The following CSMD3 variants were observed in gnomAD, a reference collection of about 807,000 sequenced individuals.
The protein encoded by CSMD3 is CUB and sushi domain-containing protein 3.
In CSMD3, 177 loss-of-function variants were observed where a neutral mutation model predicts 435.2. The observed-to-expected ratio is 0.41, with a 90% CI of 0.36 to 0.46. The LOEUF is 0.46. Among genes scored for constraint, CSMD3 ranks in the 20% least tolerant of loss-of-function variants. CSMD3 has a pLI of 0.34. For synonymous variants in CSMD3, 1,656 were observed against 1,520.5 expected, an observed-to-expected ratio of 1.09 and a Z score of -2.07; for missense variants, 4,265 against 4,504.6, an observed-to-expected ratio of 0.95 and a Z score of 1.52.
At chr8:112,500,876 C>T (rs1821872690) in intron 30 of CSMD3, among the ~76,000 whole-genome samples, 1 of 143,880 alleles carries the variant, frequency 7.0e-6, no homozygotes, top group Admixed American at 7.0e-5. Flanking sequence ...GACAATATAG[C>T]CCCTGCCAGG....
intron 69 of CSMD3, among the ~76,000 whole-genome samples, chr8:112,231,268 C>T (rs1813057837): frequency 6.6e-6 from 1 of 152,196 alleles, no homozygotes; most frequent in Non-Finnish European, 1.5e-5. Context: ...ATCTATATCA[C>T]TTTTTCTCCT....
intron 32 of CSMD3, among the ~76,000 whole-genome samples, chr8:112,439,833 C>T (rs1254453127): frequency 6.7e-6 from 1 of 150,276 alleles, no homozygotes; most frequent in Non-Finnish European, 1.5e-5. Flanking sequence ...AGGAGAACTG[C>T]CCCCATGATT....
intron 3 of CSMD3, among the ~76,000 whole-genome samples, chr8:113,262,054 G>T (rs936492059): frequency 6.6e-6 from 1 of 151,962 alleles, no homozygotes; most frequent in Non-Finnish European, 1.5e-5. Flanking sequence ...GCATATTTGT[G>T]ATTCTTCTAT....
chr8:112,950,892 G>T (rs1209943077), intron 8 of CSMD3, among the ~76,000 whole-genome samples: 4 of 151,862 alleles, frequency 2.6e-5, no homozygotes, highest in African/African-American at 9.7e-5. Flanking sequence ...CAGAGCATGT[G>T]TATAATTTCA....
chr8:113,012,264 A>G (rs1020797080), intron 6 of CSMD3, among the ~76,000 whole-genome samples: 3 of 151,800 alleles, frequency 2.0e-5, no homozygotes, highest in African/African-American at 7.2e-5. Flanking sequence ...CCCATAGCAT[A>G]TACTCAGTAA....
At chr8:112,479,903 T>C (rs1819467530) in intron 31 of CSMD3, among the ~76,000 whole-genome samples, 1 of 152,274 alleles carries the variant, frequency 6.6e-6, no homozygotes, top group East Asian at 1.9e-4. Flanking sequence ...CACTACCTTA[T>C]GGAGTTGTGG....
intron 4 of CSMD3, among the ~76,000 whole-genome samples, chr8:113,106,234 T>C (rs991994925): frequency 7.3e-5 from 11 of 151,664 alleles, no homozygotes; most frequent in South Asian, 4.2e-4. Flanking sequence ...TCAGAAAAAC[T>C]GAACTCAGTG....
At chr8:113,233,914 C>T (rs555777892) in intron 3 of CSMD3, among the ~76,000 whole-genome samples, 6 of 152,136 alleles carry the variant, frequency 3.9e-5, no homozygotes, top group African/African-American at 1.4e-4. Flanking sequence ...ACAGCAGTAG[C>T]AGTAGCCAGA....
intron 37 of CSMD3, among the ~76,000 whole-genome samples, chr8:112,382,405 T>C (rs572283831): frequency 1.3e-5 from 2 of 152,230 alleles, no homozygotes; most frequent in African/African-American, 4.8e-5. Context: ...TCTAAATCTA[T>C]ATTGTTCATG....
chr8:112,810,593 C>G (rs2079198844), intron 12 of CSMD3, among the ~76,000 whole-genome samples: 1 of 151,896 alleles, frequency 6.6e-6, no homozygotes, highest in African/African-American at 2.4e-5. Context: ...AGAATTGTAA[C>G]AATTAAAGTC....
chr8:113,042,338 T>C (rs914516306), intron 5 of CSMD3, among the ~76,000 whole-genome samples: 3 of 152,158 alleles, frequency 2.0e-5, no homozygotes, highest in Admixed American at 1.3e-4. Context: ...AGATACCAGA[T>C]AGACAGCAAA....
intron 3 of CSMD3, among the ~76,000 whole-genome samples, chr8:113,199,683 CACA>C (rs1416074963): frequency 1.3e-5 from 2 of 151,510 alleles, no homozygotes; most frequent in Non-Finnish European, 3.0e-5. Context: ...TGCTGAAAGC[CACA>C]ACATTAATAA....
chr8:113,328,419 C>A, intron 1 of CSMD3, among the ~76,000 whole-genome samples: 1 of 129,962 alleles, frequency 7.7e-6, no homozygotes, highest in Admixed American at 8.5e-5. Flanking sequence ...GCCTGGGCGA[C>A]AGAGCGAGAC....
intron 12 of CSMD3, among the ~76,000 whole-genome samples, chr8:112,813,321 A>G (rs906925150): frequency 6.6e-6 from 1 of 152,202 alleles, no homozygotes; most frequent in African/African-American, 2.4e-5. Context: ...ACCAGAGTGA[A>G]AAACAAAGGC....
chr8:112,803,337 A>G (rs1166283039), intron 12 of CSMD3, among the ~76,000 whole-genome samples: 6 of 152,164 alleles, frequency 3.9e-5, no homozygotes, highest in Admixed American at 2.6e-4. Context: ...GTATTTCCCT[A>G]CAAAGGACAA....
chr8:113,273,458 G>T (rs1478935310), intron 3 of CSMD3, among the ~76,000 whole-genome samples: 1 of 151,946 alleles, frequency 6.6e-6, no homozygotes, highest in Non-Finnish European at 1.5e-5. Context: ...TAAACTACAG[G>T]CCACACTAAG....
intron 1 of CSMD3, among the ~76,000 whole-genome samples, chr8:113,356,048 C>G (rs1455022654): frequency 6.6e-6 from 1 of 151,598 alleles, no homozygotes; most frequent in East Asian, 2.0e-4. Context: ...TTATCTAATA[C>G]ATTTTACAAC....
At chr8:113,067,430 G>A (rs2088908212) in intron 5 of CSMD3, among the ~76,000 whole-genome samples, 1 of 151,994 alleles carries the variant, frequency 6.6e-6, no homozygotes, top group Non-Finnish European at 1.5e-5. Context: ...TAGATATTTA[G>A]GATCCATTCA....
chr8:112,318,720 G>A, intron 47 of CSMD3, 117 bp downstream of exon 47: 1 of 697,536 alleles, frequency 1.4e-6, no homozygotes, highest in South Asian at 1.6e-5. Flanking sequence ...AAAATGTATA[G>A]CATTGTTTCC....
Sources: allele counts gnomAD v4.1 joint callset (sites outside exome capture counted in the v4.1 genomes callset), GRCh38; gene constraint gnomAD v4.1.1; transcripts MANE v1.5; gene names NCBI Gene and HGNC (gene_info 2026-07-23, HGNC 2026-07-21).